Variants in FABP7 observed in about 807,000 individuals in gnomAD.
FABP7 encodes fatty acid binding protein 7, also known as fatty acid-binding protein, brain.
A neutral mutation model predicts 14.2 loss-of-function variants in FABP7; 13 were observed. That is an observed-to-expected ratio of 0.91 (90% confidence interval 0.59 to 1.45). FABP7 has a LOEUF of 1.45. Among genes scored for constraint, FABP7 ranks in the 40% most tolerant of loss-of-function variants. The pLI is 0.00. For synonymous variants in FABP7, 49 were observed against 51.4 expected, an observed-to-expected ratio of 0.95 and a Z score of 0.20; for missense variants, 149 against 157.6, an observed-to-expected ratio of 0.95 and a Z score of 0.29.
chr6:122,762,282 G>A, the FABP7 span, among the ~76,000 whole-genome samples: 2 of 151,902 alleles, frequency 1.3e-5, no homozygotes, highest in African/African-American at 4.8e-5. Flanking sequence ...AGAACCAATG[G>A]CAAAAACTAC....
upstream of FABP7, among the ~76,000 whole-genome samples, chr6:122,777,431 C>T (rs967316489): frequency 4.6e-5 from 7 of 151,954 alleles, no homozygotes; most frequent in Non-Finnish European, 8.8e-5. Flanking sequence ...GAATTCCTGG[C>T]CATAAAAGGA....
chr6:122,768,324 T>C, the FABP7 span, among the ~76,000 whole-genome samples: 1 of 152,130 alleles, frequency 6.6e-6, no homozygotes, highest in African/African-American at 2.4e-5. Flanking sequence ...CTATGACCAA[T>C]CAATGATCCA....
At chr6:122,766,179 A>G in the FABP7 span, among the ~76,000 whole-genome samples, 7 of 152,226 alleles carry the variant, frequency 4.6e-5, no homozygotes, top group South Asian at 1.0e-3. Flanking sequence ...GATATTTTCT[A>G]CACCTATTGC....
the FABP7 span, among the ~76,000 whole-genome samples, chr6:122,763,447 C>T: frequency 6.6e-6 from 1 of 152,256 alleles, no homozygotes; most frequent in Admixed American, 6.5e-5. Flanking sequence ...TAGAAGAAAA[C>T]CTAGGCAACA....
the FABP7 span, among the ~76,000 whole-genome samples, chr6:122,763,159 C>A: frequency 6.6e-6 from 1 of 152,084 alleles, no homozygotes; most frequent in Non-Finnish European, 1.5e-5. Context: ...GTACAGTAAC[C>A]AAAACAGCAT....
chr6:122,779,710 T>G, upstream of FABP7: 12 of 1,302,394 alleles, frequency 9.2e-6, no homozygotes, highest in Non-Finnish European at 1.2e-5. Flanking sequence ...AGCTGCTTGC[T>G]GAGGTGTAAA....
upstream of FABP7, among the ~76,000 whole-genome samples, chr6:122,775,618 A>C (rs1404548557): frequency 6.6e-6 from 1 of 152,066 alleles, no homozygotes; most frequent in Non-Finnish European, 1.5e-5. Context: ...TTTTTTAGTA[A>C]GACCTCAAAT....
rs375887580 is a variant in FABP7, at chr6:122,780,256, C to T, written c.74-35C>T. ...TTGCTTTGTGAGTTATTTTGGAAGTCGCTGCAGACTGTACTGTTCCCTTTG... is the reference window on the plus strand; with the variant it reads ...TTGCTTTGTGAGTTATTTTGGAAGTTGCTGCAGACTGTACTGTTCCCTTTG... On this transcript the variant is annotated intron_variant, in intron 1 of 3. Transcript: ENST00000368444. 456 of 1,607,270 alleles carry T rather than the reference C, an allele frequency of 2.8e-4. 1 individual carries two copies. Among genetic ancestry groups the T allele is most frequent in the Admixed American group, 1.5e-3 (88 of 58,804 alleles).
the FABP7 span, among the ~76,000 whole-genome samples, chr6:122,770,534 T>G: frequency 2.0e-5 from 3 of 152,134 alleles, no homozygotes; most frequent in Admixed American, 6.6e-5. Flanking sequence ...CTAATATGAT[T>G]CTGACAGACT....
At chr6:122,778,582 G>C (rs1780713131), upstream of FABP7, among the ~76,000 whole-genome samples, 1 of 152,190 alleles carries the variant, frequency 6.6e-6, no homozygotes, top group African/African-American at 2.4e-5. Flanking sequence ...CAGGTAAGCT[G>C]CTTTCATTGC....
At chr6:122,763,834 C>T in the FABP7 span, among the ~76,000 whole-genome samples, 7 of 152,300 alleles carry the variant, frequency 4.6e-5, no homozygotes, top group Admixed American at 1.3e-4. Context: ...ATCAAAACCA[C>T]AATGAGGTAC....
intron 3 of FABP7, chr6:122,781,580 C>G (rs1780785480): frequency 1.7e-6 from 2 of 1,200,846 alleles, no homozygotes; most frequent in East Asian, 6.5e-5. Context: ...ATAAGAGAAT[C>G]TCAGACAGAT....
chr6:122,774,644 A>G, the FABP7 span, among the ~76,000 whole-genome samples: 1 of 152,086 alleles, frequency 6.6e-6, no homozygotes. Context: ...ATGGTATTGG[A>G]AGTCCTAGCC....
chr6:122,769,993 A>G, the FABP7 span, among the ~76,000 whole-genome samples: 1 of 152,168 alleles, frequency 6.6e-6, no homozygotes, highest in African/African-American at 2.4e-5. Context: ...CCCGCTTGTA[A>G]TTTACAATGA....
chr6:122,751,131 T>G, the FABP7 span, among the ~76,000 whole-genome samples: 2 of 152,240 alleles, frequency 1.3e-5, no homozygotes, highest in Non-Finnish European at 2.9e-5. Context: ...GAAGGTATCA[T>G]AAAATTGTTG....
chr6:122,759,806 C>CT, the FABP7 span, among the ~76,000 whole-genome samples: 2 of 151,840 alleles, frequency 1.3e-5, no homozygotes, highest in African/African-American at 4.8e-5. Context: ...GCCATTTTTT[C>CT]TTTTTTTTAA....
intron 3 of FABP7, chr6:122,782,457 T>C: frequency 1.1e-6 from 1 of 901,882 alleles, no homozygotes; most frequent in Non-Finnish European, 1.3e-6. Context: ...TACAAGACTT[T>C]TTCCTCTGTT....
chr6:122,762,017 G>A, the FABP7 span, among the ~76,000 whole-genome samples: 3,077 of 152,096 alleles, frequency 0.02, 102 homozygotes, highest in African/African-American at 0.072. Flanking sequence ...AGAAAAAGAG[G>A]GAATCCTCCC....
chr6:122,753,094 T>C, the FABP7 span, among the ~76,000 whole-genome samples: 4 of 152,198 alleles, frequency 2.6e-5, no homozygotes, highest in Non-Finnish European at 1.5e-5. Flanking sequence ...ACTAACCGTT[T>C]CTCTCTGGCT....
Sources: allele counts gnomAD v4.1 joint callset (sites outside exome capture counted in the v4.1 genomes callset), GRCh38; gene constraint gnomAD v4.1.1; transcripts MANE v1.5; gene names NCBI Gene and HGNC (gene_info 2026-07-23, HGNC 2026-07-21).